The following SESN1 variants were observed in gnomAD, a reference collection of about 807,000 sequenced individuals.
The protein encoded by SESN1 is sestrin 1.
A neutral mutation model predicts 59.3 loss-of-function variants in SESN1; 30 were observed. That is an observed-to-expected ratio of 0.51 (90% CI 0.38 to 0.69). The LOEUF is 0.69. SESN1 is among the 30% of genes least tolerant of loss of function. The probability of loss-of-function intolerance (pLI) is 0.00; values close to 1 mark genes in which losing one functional copy is unlikely to be tolerated. For synonymous variants in SESN1, 197 were observed against 219.9 expected, an observed-to-expected ratio of 0.90 and a Z score of 0.92; for missense variants, 566 against 673.0, an observed-to-expected ratio of 0.84 and a Z score of 1.76.
Position 108,985,864 on chromosome 6 carries a change from T to C in SESN1, c.*1680A>G, listed in dbSNP as rs138609432. Among the ~76,000 whole-genome samples the C allele has an allele frequency of 4.6e-5, 7 of 152,250 alleles. No homozygotes were observed. Among genetic ancestry groups the C allele is most frequent in the African/African-American group, 1.7e-4 (7 of 41,520 alleles). ...ATGAGTAATGCACTTATAAGTAAGT[T>C]TCTTTAAATATAAAACATATTGAAG... On this transcript the variant is annotated 3_prime_UTR_variant, in exon 10 of 10. Coordinates refer to ENST00000436639, the MANE Select transcript of SESN1 (RefSeq NM_014454.3).
chr6:109,025,951 CT>C (rs560992294), intron 1 of SESN1, among the ~76,000 whole-genome samples: 36 of 145,554 alleles, frequency 2.5e-4, no homozygotes, highest in African/African-American at 2.8e-4. Context: ...CACCAATACT[CT>C]TTTTTTTTTT....
At chr6:109,046,442 C>T (rs1180449258) in intron 1 of SESN1, among the ~76,000 whole-genome samples, 1 of 149,788 alleles carries the variant, frequency 6.7e-6, no homozygotes, top group African/African-American at 2.5e-5. Context: ...ACAACCTACA[C>T]CTCCCAGCCG....
chr6:108,991,474 C>A (rs1479581440), intron 7 of SESN1, among the ~76,000 whole-genome samples: 1 of 152,134 alleles, frequency 6.6e-6, no homozygotes, highest in Non-Finnish European at 1.5e-5. Context: ...AATGCTTGGC[C>A]TCAGTGATTT....
intron 1 of SESN1, among the ~76,000 whole-genome samples, chr6:109,031,057 C>T (rs1040512824): frequency 4.6e-5 from 7 of 152,140 alleles, no homozygotes; most frequent in Non-Finnish European, 5.9e-5. Context: ...TTAAATTATA[C>T]ACCACAAACT....
chr6:109,026,228 C>T (rs1780090431), intron 1 of SESN1, among the ~76,000 whole-genome samples: 1 of 152,030 alleles, frequency 6.6e-6, no homozygotes, highest in South Asian at 2.1e-4. Flanking sequence ...TTTTAAGAGA[C>T]AAAAACTAAG....
intron 2 of SESN1, 21 bp downstream of exon 2, chr6:109,002,257 G>C: frequency 6.2e-7 from 1 of 1,605,488 alleles, no homozygotes; most frequent in Non-Finnish European, 8.5e-7. Context: ...AGTTCACTAT[G>C]TACTTTCACA....
At chr6:109,075,087 G>A (rs1366757341) in intron 1 of SESN1, among the ~76,000 whole-genome samples, 2 of 152,120 alleles carry the variant, frequency 1.3e-5, no homozygotes, top group Non-Finnish European at 2.9e-5. Context: ...TCTGGAGAAT[G>A]GTTGCAAAGG....
intron 1 of SESN1, among the ~76,000 whole-genome samples, chr6:109,036,684 C>T (rs1438862604): frequency 1.3e-5 from 2 of 152,098 alleles, no homozygotes; most frequent in African/African-American, 4.8e-5. Flanking sequence ...TTCCTGTTAA[C>T]TTTCAGACAA....
At chr6:109,032,100 C>G (rs1045650014) in intron 1 of SESN1, among the ~76,000 whole-genome samples, 14 of 152,038 alleles carry the variant, frequency 9.2e-5, no homozygotes, top group Non-Finnish European at 1.5e-5. Flanking sequence ...AGAAACCCCA[C>G]CTCTACTAAA....
At chr6:109,039,334 A>T (rs909804231) in intron 1 of SESN1, among the ~76,000 whole-genome samples, 1 of 152,260 alleles carries the variant, frequency 6.6e-6, no homozygotes, top group African/African-American at 2.4e-5. Context: ...TAGCTTATTA[A>T]TCATACCATC....
intron 1 of SESN1, among the ~76,000 whole-genome samples, chr6:109,092,546 A>C (rs1206520441): frequency 6.6e-6 from 1 of 152,240 alleles, no homozygotes; most frequent in Non-Finnish European, 1.5e-5. Flanking sequence ...ACGGCAAAGG[A>C]AAGAACAGAA....
intron 9 of SESN1, 48 bp from the exon 10 acceptor site, chr6:108,987,678 CA>C (rs767644427): frequency 9.6e-7 from 1 of 1,043,246 alleles, no homozygotes; most frequent in Non-Finnish European, 1.5e-6. Flanking sequence ...CAAGCATTCA[CA>C]ATCAGTTTTT....
intron 1 of SESN1, among the ~76,000 whole-genome samples, chr6:109,003,612 G>A (rs1779671534): frequency 6.6e-6 from 1 of 152,134 alleles, no homozygotes; most frequent in Admixed American, 6.5e-5. Context: ...ACTTCTCCCT[G>A]GTTAGTCCAT....
intron 1 of SESN1, among the ~76,000 whole-genome samples, chr6:109,060,740 C>CATGTCATGGAGATCA (rs1780718977): frequency 6.6e-6 from 1 of 152,140 alleles, no homozygotes; most frequent in African/African-American, 2.4e-5. Context: ...GAGATCAGTA[C>CATGTCATGGAGATCA]TTAATATGTC....
At chr6:109,044,801 A>T (rs1347265129) in intron 1 of SESN1, among the ~76,000 whole-genome samples, 1 of 152,196 alleles carries the variant, frequency 6.6e-6, no homozygotes, top group Non-Finnish European at 1.5e-5. Context: ...AGGAGGGCAG[A>T]TCACCTGAGG....
chr6:109,005,531 T>C (rs1025332378), intron 1 of SESN1, among the ~76,000 whole-genome samples: 2 of 152,344 alleles, frequency 1.3e-5, no homozygotes, highest in African/African-American at 4.8e-5. Flanking sequence ...ACCAAATATA[T>C]AGTTTATATG....
intron 1 of SESN1, among the ~76,000 whole-genome samples, chr6:109,082,379 C>T (rs972999751): frequency 2.0e-5 from 3 of 152,118 alleles, no homozygotes; most frequent in African/African-American, 7.2e-5. Context: ...GTAAGCATTG[C>T]TCATAACTCT....
chr6:109,030,709 AG>A (rs1456210035), intron 1 of SESN1, among the ~76,000 whole-genome samples: 2 of 152,244 alleles, frequency 1.3e-5, no homozygotes, highest in African/African-American at 4.8e-5. Context: ...GGTTCTACCT[AG>A]GGACTACAGA....
chr6:109,029,737 G>A (rs1013077128), intron 1 of SESN1, among the ~76,000 whole-genome samples: 3 of 151,968 alleles, frequency 2.0e-5, no homozygotes, highest in South Asian at 2.1e-4. Context: ...TTGCCATGTC[G>A]CTCAAGCTGG....
Sources: allele counts gnomAD v4.1 joint callset (sites outside exome capture counted in the v4.1 genomes callset), GRCh38; gene constraint gnomAD v4.1.1; transcripts MANE v1.5; gene names NCBI Gene and HGNC (gene_info 2026-07-23, HGNC 2026-07-21).